The following MACROD2 variants were observed in gnomAD, a reference collection of about 807,000 sequenced individuals.
MACROD2 encodes mono-ADP ribosylhydrolase 2, also known as ADP-ribose glycohydrolase MACROD2.
A neutral mutation model predicts 70.4 loss-of-function variants in MACROD2; 36 were observed. That is an observed-to-expected ratio of 0.51 (90% CI 0.39 to 0.68). The LOEUF (loss-of-function observed/expected upper bound fraction) is 0.68. Ranked by LOEUF, MACROD2 falls within the 30% of genes least tolerant of loss-of-function variation. MACROD2 has a pLI of 0.00. For synonymous variants in MACROD2, 172 were observed against 178.8 expected, an observed-to-expected ratio of 0.96 and a Z score of 0.30; for missense variants, 496 against 538.4, an observed-to-expected ratio of 0.92 and a Z score of 0.78.
chr20:15,358,586 A>G (rs983990692), intron 6 of MACROD2, among the ~76,000 whole-genome samples: 1 of 152,178 alleles, frequency 6.6e-6, no homozygotes, highest in African/African-American at 2.4e-5. Flanking sequence ...ATAATTATAT[A>G]TATTCTTCTG....
rs529640814 is a variant in MACROD2 at position 14,464,264 on chromosome 20, A to G, written c.272-29215A>G. 6.3e-3 allele frequency among the ~76,000 whole-genome samples: 951 copies of G among 152,016 alleles called. 25 individuals are homozygous for G. The highest frequency in any genetic ancestry group is 0.022 in the African/African-American group (895 of 41,410). On this transcript the variant is annotated intron_variant, in intron 3 of 17. Transcript: ENST00000684519. ...AACTTCTTCCTGGTTTAGTCTTGGG[A>G]GGGTGTATGTGTCGAGGAATTTATC... is the stretch of plus-strand genomic sequence containing the variant.
intron 6 of MACROD2, among the ~76,000 whole-genome samples, chr20:15,231,802 T>C (rs1397415956): frequency 6.6e-6 from 1 of 152,032 alleles, no homozygotes; most frequent in Non-Finnish European, 1.5e-5. Flanking sequence ...CATTCTTTGA[T>C]AGGAATTAGA....
chr20:14,152,465 T>G (rs970508063), intron 3 of MACROD2, among the ~76,000 whole-genome samples: 1 of 149,906 alleles, frequency 6.7e-6, no homozygotes, highest in Non-Finnish European at 1.5e-5. Flanking sequence ...CTCGCTCTGT[T>G]GCCCAGGCTG....
chr20:15,482,267 A>G (rs2047107793), intron 7 of MACROD2, among the ~76,000 whole-genome samples: 1 of 152,216 alleles, frequency 6.6e-6, no homozygotes. Flanking sequence ...TAAGTATGGT[A>G]TAATAAAGAT....
At chr20:15,051,614 A>C (rs771707303) in intron 5 of MACROD2, among the ~76,000 whole-genome samples, 1 of 152,108 alleles carries the variant, frequency 6.6e-6, no homozygotes, top group African/African-American at 2.4e-5. Flanking sequence ...AATCTCCTCC[A>C]CTTCAAGTTA....
At chr20:14,978,961 A>G (rs1423564356) in intron 5 of MACROD2, among the ~76,000 whole-genome samples, 1 of 145,956 alleles carries the variant, frequency 6.9e-6, no homozygotes, top group Admixed American at 7.0e-5. Context: ...ATATATATAT[A>G]TATTTAAGAG....
intron 8 of MACROD2, among the ~76,000 whole-genome samples, chr20:15,505,420 C>T (rs1249248847): frequency 6.6e-6 from 1 of 152,116 alleles, no homozygotes; most frequent in African/African-American, 2.4e-5. Context: ...GAACCCCTCT[C>T]CTCCTACCAT....
At chr20:14,935,089 G>A (rs1408205968) in intron 5 of MACROD2, 1 of 151,740 alleles carries the variant, frequency 6.6e-6, no homozygotes, top group Non-Finnish European at 1.5e-5. Flanking sequence ...GTGGACCAAA[G>A]ACAGATATTT....
At chr20:14,235,450 C>T (rs1244282087) in intron 3 of MACROD2, among the ~76,000 whole-genome samples, 1 of 152,142 alleles carries the variant, frequency 6.6e-6, no homozygotes, top group African/African-American at 2.4e-5. Context: ...ATGATTCAAA[C>T]ATCAGGCAGT....
intron 3 of MACROD2, among the ~76,000 whole-genome samples, chr20:14,220,983 AG>A (rs1418948552): frequency 6.6e-6 from 1 of 152,162 alleles, no homozygotes; most frequent in Non-Finnish European, 1.5e-5. Context: ...TCACAGTGCG[AG>A]GTGCCGCCCA....
rs569616547 is a variant in MACROD2 at position 15,879,714 on chromosome 20, A to T, written c.728-6050A>T. Among the ~76,000 whole-genome samples the T allele has an allele frequency of 6.4e-4, 98 of 152,252 alleles. 1 individual carries two copies. Among genetic ancestry groups the T allele is most frequent in the African/African-American group, 2.3e-3 (95 of 41,578 alleles). ...AGAAAATGAACATATATTAAAATAC[A>T]TGGAAAGAGGTTTATCATAGCAAAT... On this transcript the variant is annotated intron_variant, in intron 9 of 17. Coordinates refer to ENST00000684519, the MANE Select transcript of MACROD2 (RefSeq NM_001351661.2).
intron 15 of MACROD2, among the ~76,000 whole-genome samples, chr20:16,034,773 A>G (rs1024961516): frequency 1.3e-4 from 19 of 151,726 alleles, no homozygotes; most frequent in Non-Finnish European, 1.9e-4. Flanking sequence ...TGAGCAGTAT[A>G]TACTGCACCA....
intron 6 of MACROD2, among the ~76,000 whole-genome samples, chr20:15,344,564 A>G (rs2078144341): frequency 6.6e-6 from 1 of 152,074 alleles, no homozygotes. Context: ...TATAGAAACA[A>G]TTATTTTTTT....
intron 8 of MACROD2, among the ~76,000 whole-genome samples, chr20:15,520,930 G>A (rs551430443): frequency 3.7e-4 from 56 of 152,314 alleles, no homozygotes; most frequent in African/African-American, 1.2e-3. Context: ...AGTTCATGGC[G>A]GAGCTGCAGC....
chr20:14,000,845 GC>G (rs1427940759), intron 1 of MACROD2, among the ~76,000 whole-genome samples: 1 of 152,122 alleles, frequency 6.6e-6, no homozygotes, highest in Non-Finnish European at 1.5e-5. Context: ...GCTCACTATG[GC>G]ATACAAGTCC....
intron 7 of MACROD2, among the ~76,000 whole-genome samples, chr20:15,489,492 C>A (rs921099505): frequency 2.0e-5 from 3 of 152,152 alleles, no homozygotes; most frequent in African/African-American, 4.8e-5. Flanking sequence ...ATCAGAACTG[C>A]CAGCTTTTCT....
At chr20:15,795,868 G>A (rs1473539918) in intron 8 of MACROD2, among the ~76,000 whole-genome samples, 1 of 152,124 alleles carries the variant, frequency 6.6e-6, no homozygotes, top group African/African-American at 2.4e-5. Flanking sequence ...AGCCCAAAAG[G>A]CCTCCTGTCC....
intron 8 of MACROD2, among the ~76,000 whole-genome samples, chr20:15,585,905 G>T (rs1213306106): frequency 6.6e-6 from 1 of 152,090 alleles, no homozygotes; most frequent in Non-Finnish European, 1.5e-5. Flanking sequence ...TCATAGTGCT[G>T]CAATGCCTTT....
rs191978325 is a variant in MACROD2, at chr20:15,839,227, A to G, written c.646-23518A>G. ...CCCTTGAGAGGAAATATAGCATTAC[A>G]CTTGTGAGCAAGGACTATGGACAAG... On this transcript the variant is annotated intron_variant, in intron 8 of 17. Transcript: ENST00000684519. 3.6e-3 allele frequency among the ~76,000 whole-genome samples: 551 copies of G among 152,222 alleles called. 2 individuals carry two copies. The highest frequency in any genetic ancestry group is 0.013 in the African/African-American group (532 of 41,532).
Sources: gnomAD v4.1 joint callset for allele counts (sites outside exome capture counted in the v4.1 genomes callset) on GRCh38, gnomAD v4.1.1 for gene constraint, MANE v1.5 for transcripts, NCBI Gene and HGNC (gene_info 2026-07-23, HGNC 2026-07-21) for gene names.